The following SNTB2 variants were observed in gnomAD, a reference collection of about 807,000 sequenced individuals.
The protein encoded by SNTB2 is beta-2-syntrophin.
Under a neutral mutation model 46.2 loss-of-function variants are expected in SNTB2, and 34 were observed. That is an observed-to-expected ratio of 0.74 (90% CI 0.56 to 0.98). The LOEUF (loss-of-function observed/expected upper bound fraction) is 0.98, where lower values mean the gene tolerates loss of function less well. Ranked by LOEUF, SNTB2 falls within the 50% of genes least tolerant of loss-of-function variation. The pLI is 0.00. For synonymous variants in SNTB2, 290 were observed against 312.6 expected (o/e 0.93, Z 0.76); for missense variants, 603 against 731.4 (o/e 0.82, Z 2.02).
rs189750442 is a variant in SNTB2, at chr16:69,233,990, G to A, written c.581-11612G>A. Among the ~76,000 whole-genome samples the A allele has an allele frequency of 1.2e-3, 188 of 151,804 alleles. 4 individuals are homozygous for A. The highest frequency in any genetic ancestry group is 9.6e-4 in the Non-Finnish European group (65 of 67,960). ...AGCTATGATTGTGCCACTGCACTCC[G>A]ACCTGGACAACAAAGTGAGACTCTG... On this transcript the variant is annotated intron_variant, in intron 1 of 6. Transcript: ENST00000336278.
chr16:69,215,829 G>A (rs967424280), intron 1 of SNTB2, among the ~76,000 whole-genome samples: 1 of 152,060 alleles, frequency 6.6e-6, no homozygotes. Context: ...TTGATACAGG[G>A]TCCTGATCTG....
At chr16:69,257,764 T>C (rs1015437839) in intron 2 of SNTB2, among the ~76,000 whole-genome samples, 1 of 152,174 alleles carries the variant, frequency 6.6e-6, no homozygotes, top group Non-Finnish European at 1.5e-5. Context: ...ATTTTATGTC[T>C]TCTATTTTCT....
chr16:69,219,504 A>C (rs1964379413), intron 1 of SNTB2, among the ~76,000 whole-genome samples: 1 of 152,220 alleles, frequency 6.6e-6, no homozygotes. Context: ...ATTACTACAC[A>C]TATGATTAGA....
At chr16:69,300,290 G>A (rs542919267) in intron 6 of SNTB2, among the ~76,000 whole-genome samples, 6 of 150,110 alleles carry the variant, frequency 4.0e-5, no homozygotes, top group East Asian at 2.0e-4. Context: ...TCGCTTTGTC[G>A]CCCAGGCTGG....
At chr16:69,283,898 A>G (rs1965074140) in intron 4 of SNTB2, 150 bp from the exon 5 acceptor site, 2 of 664,634 alleles carry the variant, frequency 3.0e-6, no homozygotes, top group Non-Finnish European at 5.1e-6. Flanking sequence ...AATGGTCTGT[A>G]TTTCAGAGAC....
intron 1 of SNTB2, among the ~76,000 whole-genome samples, chr16:69,200,821 T>A (rs1253997178): frequency 6.6e-6 from 1 of 152,200 alleles, no homozygotes; most frequent in African/African-American, 2.4e-5. Flanking sequence ...GGCCCTGTGA[T>A]CCATCTTGAA....
chr16:69,206,033 T>A (rs1964213000), intron 1 of SNTB2, among the ~76,000 whole-genome samples: 1 of 152,140 alleles, frequency 6.6e-6, no homozygotes, highest in African/African-American at 2.4e-5. Flanking sequence ...CCTTGCTCTG[T>A]CTACCCTGGC....
At chr16:69,272,925 A>G (rs1374945597) in intron 4 of SNTB2, among the ~76,000 whole-genome samples, 3 of 151,704 alleles carry the variant, frequency 2.0e-5, no homozygotes, top group Non-Finnish European at 2.9e-5. Flanking sequence ...GGAAAATGAT[A>G]TGAATAGATA....
chr16:69,238,697 A>G (rs1048856141), intron 1 of SNTB2, among the ~76,000 whole-genome samples: 3 of 152,138 alleles, frequency 2.0e-5, no homozygotes, highest in Non-Finnish European at 2.9e-5. Flanking sequence ...TGTTCGGGAC[A>G]AAAATCTTGA....
chr16:69,282,917 T>C (rs1221931091), intron 4 of SNTB2, among the ~76,000 whole-genome samples: 1 of 152,202 alleles, frequency 6.6e-6, no homozygotes, highest in Non-Finnish European at 1.5e-5. Context: ...ATATTAATCT[T>C]ATATCCTGCA....
intron 1 of SNTB2, among the ~76,000 whole-genome samples, chr16:69,229,960 AT>A (rs996225440): frequency 6.6e-6 from 1 of 151,216 alleles, no homozygotes; most frequent in African/African-American, 2.4e-5. Flanking sequence ...CTAATTTTAA[AT>A]TTTTTTGTAG....
intron 5 of SNTB2, among the ~76,000 whole-genome samples, chr16:69,289,817 G>A (rs1183862221): frequency 6.6e-6 from 1 of 152,120 alleles, no homozygotes; most frequent in East Asian, 1.9e-4. Context: ...AGTTACTCAG[G>A]AGGCTGAGGT....
At chr16:69,256,935 C>T (rs571075591) in intron 2 of SNTB2, among the ~76,000 whole-genome samples, 42 of 152,136 alleles carry the variant, frequency 2.8e-4, no homozygotes, top group African/African-American at 9.4e-4. Context: ...TTTGGGAGAC[C>T]GAGGCAGGCG....
intron 1 of SNTB2, among the ~76,000 whole-genome samples, chr16:69,226,697 T>G (rs1964462937): frequency 6.6e-6 from 1 of 152,122 alleles, no homozygotes; most frequent in Admixed American, 6.6e-5. Context: ...ATCAGGCTAA[T>G]TTTTAAATTG....
intron 1 of SNTB2, among the ~76,000 whole-genome samples, chr16:69,229,878 C>T (rs114788686): frequency 0.02 from 2,905 of 143,706 alleles, 100 homozygotes; most frequent in African/African-American, 0.071. Context: ...GCCTTGAACT[C>T]CTGGCTCAAG....
At chr16:69,254,482 A>G (rs1964754446) in intron 2 of SNTB2, among the ~76,000 whole-genome samples, 1 of 152,162 alleles carries the variant, frequency 6.6e-6, no homozygotes, top group African/African-American at 2.4e-5. Context: ...ATGCTTTTTA[A>G]AAAATCCCCT....
chr16:69,274,503 A>G (rs531102421), intron 4 of SNTB2, among the ~76,000 whole-genome samples: 1 of 151,934 alleles, frequency 6.6e-6, no homozygotes, highest in Non-Finnish European at 1.5e-5. Context: ...ACTACAAAAA[A>G]TTAGCCGGGT....
At chr16:69,255,851 C>T (rs1278758164) in intron 2 of SNTB2, among the ~76,000 whole-genome samples, 53 of 144,726 alleles carry the variant, frequency 3.7e-4, no homozygotes, top group African/African-American at 1.2e-3. Context: ...CACTCCAGCC[C>T]GGGCAACAAG....
chr16:69,243,116 TAATTA>T (rs1597184596), intron 1 of SNTB2, among the ~76,000 whole-genome samples: 1 of 152,136 alleles, frequency 6.6e-6, no homozygotes, highest in Non-Finnish European at 1.5e-5. Context: ...CATCAGTGTT[TAATTA>T]AATTATTTTG....
Sources: gnomAD v4.1 joint callset for allele counts (sites outside exome capture counted in the v4.1 genomes callset) on GRCh38, gnomAD v4.1.1 for gene constraint, MANE v1.5 for transcripts, NCBI Gene and HGNC (gene_info 2026-07-23, HGNC 2026-07-21) for gene names.